The following DDX60L variants were observed in gnomAD, a reference collection of about 807,000 sequenced individuals.
The protein encoded by DDX60L is probable ATP-dependent RNA helicase DDX60-like.
DDX60L carries 191 observed loss-of-function variants against 211.6 expected under a neutral mutation model. The observed-to-expected ratio is 0.90, with a 90% CI of 0.80 to 1.02. DDX60L has a LOEUF of 1.02. Ranked by LOEUF, DDX60L falls within the 50% of genes least tolerant of loss-of-function variation. DDX60L has a pLI of 0.00. For synonymous variants in DDX60L, 706 were observed against 694.1 expected, an observed-to-expected ratio of 1.02 and a Z score of -0.27; for missense variants, 2,007 against 1,984.1, an observed-to-expected ratio of 1.01 and a Z score of -0.22.
At chr4:168,378,622 A>G (rs1211638280) in intron 32 of DDX60L, 147 bp from the exon 33 acceptor site, 1 of 588,016 alleles carries the variant, frequency 1.7e-6, no homozygotes. Context: ...CATATTTGCA[A>G]TACTATGTGC....
At position 168,415,394 on chromosome 4, in the gene DDX60L, A is replaced by G. The variant is rs1234443799; in HGVS notation, c.2979+14T>C. 1.9e-6 allele frequency: 3 copies of G among 1,557,316 alleles called. No homozygotes were observed. The highest frequency in any genetic ancestry group is 2.7e-5 in the African/African-American group (2 of 73,432). ...AAAATTCCACTAACAGGACAAATAC[A>G]CTTTTATACTTACAATATCTGTCGT... is the stretch of plus-strand genomic sequence containing the variant. On this transcript the variant is annotated intron_variant, in intron 22 of 37. Coordinates refer to ENST00000682922, the MANE Select transcript of DDX60L (RefSeq NM_001012967.3).
At chr4:168,374,246 T>C (rs1741543964) in intron 34 of DDX60L, among the ~76,000 whole-genome samples, 2 of 152,100 alleles carry the variant, frequency 1.3e-5, no homozygotes, top group African/African-American at 2.4e-5. Flanking sequence ...CATCATCTTT[T>C]CTCTGCACTA....
chr4:168,371,852 C>G, intron 35 of DDX60L, 89 bp from the exon 36 acceptor site: 1 of 1,256,398 alleles, frequency 8.0e-7, no homozygotes. Context: ...GAATCTGTTT[C>G]TTAAAGTACG....
At chr4:168,419,256 T>C in intron 19 of DDX60L, 46 bp downstream of exon 19, 3 of 1,338,636 alleles carry the variant, frequency 2.2e-6, no homozygotes, top group Non-Finnish European at 3.1e-6. Flanking sequence ...AATTATAGGG[T>C]GTATGCAGAC....
chr4:168,390,108 A>T, intron 29 of DDX60L: 1 of 982,766 alleles, frequency 1.0e-6, no homozygotes, highest in Non-Finnish European at 1.2e-6. Flanking sequence ...ATTCACAGAG[A>T]AAGTATATTT....
intron 4 of DDX60L, among the ~76,000 whole-genome samples, chr4:168,463,494 T>G (rs1335208686): frequency 6.6e-6 from 1 of 152,078 alleles, no homozygotes; most frequent in South Asian, 2.1e-4. Context: ...TAATGGGTAC[T>G]AGGCTTAATA....
At chr4:168,424,546 T>C (rs1347773861) in intron 14 of DDX60L, among the ~76,000 whole-genome samples, 1 of 152,178 alleles carries the variant, frequency 6.6e-6, no homozygotes, top group Non-Finnish European at 1.5e-5. Flanking sequence ...TCAAGGAACC[T>C]TCAATCTAAT....
At chr4:168,390,001 A>T (rs1744516383) in intron 29 of DDX60L, 1 of 230,122 alleles carries the variant, frequency 4.3e-6, no homozygotes. Context: ...AGACAACCTG[A>T]CATTTGGGAT....
In DDX60L at chr4:168,416,285, C is replaced by A. The variant is rs1029268898; in HGVS notation, c.2726+397G>T. 7.9e-5 allele frequency among the ~76,000 whole-genome samples: 12 copies of A among 152,304 alleles called. No homozygotes were observed. The East Asian group carries it at 2.3e-3, about 29-fold the overall frequency. Reference sequence around the variant, plus strand: ...AGGACAAAGAAAGGGGGATACAATTCTCTCTCTTACTTCAGATGACATTTA... The same window carrying A: ...AGGACAAAGAAAGGGGGATACAATTATCTCTCTTACTTCAGATGACATTTA... On this transcript the variant is annotated intron_variant, in intron 20 of 37. Coordinates refer to ENST00000682922, the MANE Select transcript of DDX60L (RefSeq NM_001012967.3).
chr4:168,371,587 T>C, intron 36 of DDX60L, 25 bp downstream of exon 36: 11 of 1,425,506 alleles, frequency 7.7e-6, no homozygotes, highest in South Asian at 1.3e-5. Flanking sequence ...GTATATATTT[T>C]ACAGAAACAT....
At chr4:168,383,838 T>C (rs1431897047) in intron 30 of DDX60L, among the ~76,000 whole-genome samples, 1 of 152,182 alleles carries the variant, frequency 6.6e-6, no homozygotes, top group Non-Finnish European at 1.5e-5. Flanking sequence ...GAGTGTCAAC[T>C]TGATTGGATT....
At chr4:168,417,369 A>C (rs1963569) in intron 19 of DDX60L, among the ~76,000 whole-genome samples, 70,357 of 151,948 alleles carry the variant, frequency 0.46, 17,391 homozygotes, top group East Asian at 0.73. Context: ...TCATACCTTG[A>C]ACACACGTGT....
intron 30 of DDX60L, among the ~76,000 whole-genome samples, chr4:168,382,063 A>C (rs1248100719): frequency 1.3e-5 from 2 of 152,198 alleles, no homozygotes; most frequent in Non-Finnish European, 2.9e-5. Context: ...TTGTCTTGGC[A>C]AGTGGAATCT....
At chr4:168,442,643 G>A (rs1282758807) in intron 9 of DDX60L, among the ~76,000 whole-genome samples, 3 of 151,946 alleles carry the variant, frequency 2.0e-5, no homozygotes, top group Non-Finnish European at 4.4e-5. Flanking sequence ...CAGCTTTGAA[G>A]AGAGCAGTGG....
At position 168,375,391 on chromosome 4, in the gene DDX60L, G is replaced by A. The variant is rs758055716; in HGVS notation, c.4619C>T (p.Pro1540Leu). ...AATCTGCTTACTGATTCTTGACAAA[G>A]GGAGTTGATGCTCTTTTTTCATGTT... ...SVNMKKEHQL[P>L]LSRIKFTGKE... is the part of the protein sequence containing the mutation. Residue 1540 changes from proline (P) to leucine (L), a missense_variant, in exon 34 of 38, where the codon CCT becomes CTT. By Grantham distance (98) the Pro-to-Leu change is moderately conservative. Transcript: ENST00000682922. 2 of 1,612,154 alleles carry A rather than the reference G, an allele frequency of 1.2e-6. No individual in the cohort carries two copies. The highest frequency in any genetic ancestry group is 1.3e-5 in the African/African-American group (1 of 74,850).
chr4:168,472,563 A>C, intron 2 of DDX60L, 39 bp from the exon 3 acceptor site: 1 of 1,567,186 alleles, frequency 6.4e-7, no homozygotes, highest in Non-Finnish European at 8.7e-7. Flanking sequence ...CAATATTTTT[A>C]CACAGCTATA....
chr4:168,384,497 A>T, intron 30 of DDX60L, 115 bp downstream of exon 30: 1 of 1,328,706 alleles, frequency 7.5e-7, no homozygotes, highest in Non-Finnish European at 1.0e-6. Flanking sequence ...CAAAACAATC[A>T]AACAAAAAGA....
At chr4:168,450,954 T>C (rs1755725463) in intron 8 of DDX60L, among the ~76,000 whole-genome samples, 1 of 114,784 alleles carries the variant, frequency 8.7e-6, no homozygotes, top group African/African-American at 3.5e-5. Context: ...TTGACTTTCA[T>C]GCAATTAAAT....
At chr4:168,390,507 C>A (rs867469114) in intron 29 of DDX60L, 3 of 1,402,188 alleles carry the variant, frequency 2.1e-6, no homozygotes, top group South Asian at 1.8e-5. Flanking sequence ...TCTTCATATT[C>A]CAGTCTAGGA....
Sources: allele counts gnomAD v4.1 joint callset (sites outside exome capture counted in the v4.1 genomes callset), GRCh38; gene constraint gnomAD v4.1.1; transcripts MANE v1.5; gene names NCBI Gene and HGNC (gene_info 2026-07-23, HGNC 2026-07-21).